Variants in SCGB2B2 observed in about 807,000 individuals in gnomAD.
The protein encoded by SCGB2B2 is secretoglobin family 2B member 2.
SCGB2B2 carries 11 observed loss-of-function variants against 7.6 expected under a neutral mutation model. The ratio of observed to expected loss-of-function variants is 1.45; its 90% CI spans 0.91 to 2.40. SCGB2B2 has a LOEUF of 2.40. SCGB2B2 is among the 30% of genes most tolerant of loss of function. SCGB2B2 has a pLI of 0.00. For missense variants in SCGB2B2, 104 were observed against 115.4 expected (o/e 0.90, Z 0.45); for synonymous variants, 50 against 48.6 (o/e 1.03, Z -0.12).
At chr19:34,649,308 A>G (rs1191609281) in intron 1 of SCGB2B2, among the ~76,000 whole-genome samples, 1 of 151,984 alleles carries the variant, frequency 6.6e-6, no homozygotes, top group African/African-American at 2.4e-5. Context: ...AGGAAAAAAG[A>G]GAGAAATCCT....
intron 1 of SCGB2B2, among the ~76,000 whole-genome samples, chr19:34,597,440 C>A (rs961488311): frequency 1.7e-5 from 2 of 119,452 alleles, no homozygotes; most frequent in Non-Finnish European, 3.7e-5. Flanking sequence ...CATCATCTAC[C>A]TCCCTAGAGG....
intron 1 of SCGB2B2, among the ~76,000 whole-genome samples, chr19:34,619,390 A>ATC (rs1050095126): frequency 1.9e-4 from 26 of 136,016 alleles, no homozygotes; most frequent in African/African-American, 7.4e-4. Flanking sequence ...TAGCCAAGAC[A>ATC]AAGGGCCAAT....
intron 1 of SCGB2B2, among the ~76,000 whole-genome samples, chr19:34,649,970 C>G (rs1402557942): frequency 2.0e-5 from 3 of 151,218 alleles, no homozygotes; most frequent in African/African-American, 7.4e-5. Context: ...AACCCTCAGC[C>G]CCACCATTTC....
downstream of SCGB2B2, among the ~76,000 whole-genome samples, chr19:34,590,127 T>C (rs950508100): frequency 2.6e-5 from 4 of 152,196 alleles, no homozygotes; most frequent in Non-Finnish European, 2.9e-5. Context: ...TTGAAGCCTA[T>C]TGTCCCTAGA....
intron 1 of SCGB2B2, among the ~76,000 whole-genome samples, chr19:34,639,634 T>A (rs1042924575): frequency 6.6e-6 from 1 of 152,168 alleles, no homozygotes; most frequent in Non-Finnish European, 1.5e-5. Flanking sequence ...TCAGGAGCCA[T>A]CAGGCTTACA....
intron 1 of SCGB2B2, among the ~76,000 whole-genome samples, chr19:34,664,287 C>T (rs1320478061): frequency 1.3e-5 from 2 of 152,240 alleles, no homozygotes; most frequent in African/African-American, 2.4e-5. Context: ...ATGCAGGCCC[C>T]AAGGCCAGAC....
intron 1 of SCGB2B2, among the ~76,000 whole-genome samples, chr19:34,652,680 G>T (rs1218291550): frequency 1.3e-5 from 2 of 151,184 alleles, no homozygotes; most frequent in African/African-American, 4.9e-5. Flanking sequence ...CAGTTAGAAT[G>T]GCTACTATGA....
In SCGB2B2 at chr19:34,675,868, C is replaced by T. The variant is rs572760452; in HGVS notation, c.-2270G>A. 1.7e-3 allele frequency: 252 copies of T among 150,138 alleles called. No individual in the cohort carries two copies. Among genetic ancestry groups the T allele is most frequent in the Middle Eastern group, 0.016 (5 of 304 alleles). 9.3% of individuals were successfully genotyped at this position (150,138 alleles called of 1,614,324 possible). A position where few individuals can be genotyped will look rare whatever the true frequency, so the allele number is the denominator to read the frequency against. On this transcript the variant is annotated 5_prime_UTR_variant, in exon 1 of 4. Transcript: ENST00000601241. Reference sequence around the variant, plus strand: ...CAGTGAGTGTTACAGCTCCTAAAGACGGCGTGTCTGGAGTTGTTCGTTCCT... The same window carrying T: ...CAGTGAGTGTTACAGCTCCTAAAGATGGCGTGTCTGGAGTTGTTCGTTCCT...
chr19:34,636,382 G>A (rs1280627595), intron 1 of SCGB2B2, among the ~76,000 whole-genome samples: 1 of 152,120 alleles, frequency 6.6e-6, no homozygotes, highest in African/African-American at 2.4e-5. Flanking sequence ...CACAGCGATG[G>A]GATGCAGCCC....
chr19:34,598,842 A>C (rs183216678), intron 1 of SCGB2B2, among the ~76,000 whole-genome samples: 3 of 152,336 alleles, frequency 2.0e-5, no homozygotes, highest in Admixed American at 1.3e-4. Context: ...AGCATCTTCC[A>C]GGGACCCAGT....
At chr19:34,602,746 C>T (rs2145790248) in intron 1 of SCGB2B2, among the ~76,000 whole-genome samples, 1 of 152,270 alleles carries the variant, frequency 6.6e-6, no homozygotes, top group East Asian at 1.9e-4. Context: ...GTAGTAATAG[C>T]TCCTTTTCCT....
At chr19:34,637,202 C>T (rs766384492) in intron 1 of SCGB2B2, among the ~76,000 whole-genome samples, 3 of 152,046 alleles carry the variant, frequency 2.0e-5, no homozygotes, top group Non-Finnish European at 2.9e-5. Flanking sequence ...TCTGCCAGGG[C>T]GAGGCCAAGC....
intron 1 of SCGB2B2, among the ~76,000 whole-genome samples, chr19:34,627,717 CAG>C (rs1478217278): frequency 6.6e-6 from 1 of 152,158 alleles, no homozygotes; most frequent in Non-Finnish European, 1.5e-5. Flanking sequence ...ATCAACGAGA[CAG>C]AAAGTTAACA....
chr19:34,627,139 A>G (rs1313316241), intron 1 of SCGB2B2, among the ~76,000 whole-genome samples: 1 of 152,258 alleles, frequency 6.6e-6, no homozygotes, highest in African/African-American at 2.4e-5. Context: ...AACTGGTACC[A>G]GCCACTGCAA....
At chr19:34,640,892 C>T (rs972333249) in intron 1 of SCGB2B2, among the ~76,000 whole-genome samples, 7 of 152,094 alleles carry the variant, frequency 4.6e-5, no homozygotes, top group Middle Eastern at 3.2e-3. Flanking sequence ...AGAGCTCATA[C>T]AACTTTAAAA....
chr19:34,604,015 A>T (rs1476209309), intron 1 of SCGB2B2, among the ~76,000 whole-genome samples: 1 of 151,210 alleles, frequency 6.6e-6, no homozygotes, highest in Non-Finnish European at 1.5e-5. Context: ...TGTCTTTCCC[A>T]TTTTTCTTTT....
At position 34,593,592 on chromosome 19, in the gene SCGB2B2, ATCT is replaced by A. The variant is rs764675231; in HGVS notation, c.251_253del (p.Lys84del). On this transcript the variant is annotated inframe_deletion, in exon 4 of 4. Coordinates refer to ENST00000601241, the MANE Select transcript of SCGB2B2 (RefSeq NM_001025591.4). ...TTCTATGCAATCGTTGCTCTGAAGG[ATCT>A]TCTTCTGTTGGAAAAAGAAGAAAGA... 3.2e-5 allele frequency: 50 copies of A among 1,553,054 alleles called. No individual in the cohort carries two copies. In the East Asian group the frequency reaches 5.1e-4, roughly 16 times the overall value.
At chr19:34,670,911 A>G (rs1266847200) in intron 1 of SCGB2B2, among the ~76,000 whole-genome samples, 1 of 152,148 alleles carries the variant, frequency 6.6e-6, no homozygotes, top group Non-Finnish European at 1.5e-5. Flanking sequence ...GAGGTTTGGG[A>G]TCAGAACTTT....
At position 34,592,240 on chromosome 19, in the gene SCGB2B2, G is replaced by A. The variant is rs138480387; in HGVS notation, c.*1315C>T. 1.0e-3 allele frequency among the ~76,000 whole-genome samples: 155 copies of A among 152,254 alleles called. 1 individual carries two copies. The highest frequency in any genetic ancestry group is 3.6e-3 in the African/African-American group (150 of 41,542). ...AGAAGAATGTTGAAAGGAAATCTGG[G>A]AGTGCAAAGATAGGGTGGTCAGCAG... On this transcript the variant is annotated 3_prime_UTR_variant, in exon 4 of 4. Transcript: ENST00000601241.
Sources: gnomAD v4.1 joint callset for allele counts (sites outside exome capture counted in the v4.1 genomes callset) on GRCh38, gnomAD v4.1.1 for gene constraint, MANE v1.5 for transcripts, NCBI Gene and HGNC (gene_info 2026-07-23, HGNC 2026-07-21) for gene names.